SPON1: variants seen among roughly 807,000 people sequenced by gnomAD.
The protein encoded by SPON1 is spondin 1, also known as spondin-1.
A neutral mutation model predicts 111.7 loss-of-function variants in SPON1; 52 were observed. The observed-to-expected ratio is 0.47, with a 90% CI of 0.37 to 0.59. The LOEUF is 0.59. SPON1 is among the 20% of genes least tolerant of loss of function. The pLI is 0.00. For synonymous variants in SPON1, 410 were observed against 395.8 expected (o/e 1.04, Z -0.43); for missense variants, 957 against 1,068.5 (o/e 0.90, Z 1.46).
intron 5 of SPON1, among the ~76,000 whole-genome samples, chr11:14,105,160 T>C (rs1375306077): frequency 6.6e-6 from 1 of 152,148 alleles, no homozygotes; most frequent in African/African-American, 2.4e-5. Flanking sequence ...CTTTTCTTTT[T>C]CTAATCTTCA....
chr11:14,122,149 G>A (rs983111189), intron 5 of SPON1, among the ~76,000 whole-genome samples: 6 of 151,696 alleles, frequency 4.0e-5, no homozygotes, highest in African/African-American at 1.2e-4. Flanking sequence ...AGAATTTCAG[G>A]CATTGTCTCT....
At chr11:14,071,946 ATC>A (rs1490363228) in intron 3 of SPON1, among the ~76,000 whole-genome samples, 1 of 152,118 alleles carries the variant, frequency 6.6e-6, no homozygotes, top group Non-Finnish European at 1.5e-5. Context: ...TGATCCATCT[ATC>A]TCAGCCTCCC....
intron 2 of SPON1, among the ~76,000 whole-genome samples, chr11:14,020,428 G>T (rs1848472561): frequency 6.6e-6 from 1 of 152,214 alleles, no homozygotes; most frequent in African/African-American, 2.4e-5. Flanking sequence ...TGATGCCAAG[G>T]GTTAAGAAGA....
intron 5 of SPON1, among the ~76,000 whole-genome samples, chr11:14,092,568 A>T (rs1292553903): frequency 1.3e-5 from 2 of 152,162 alleles, no homozygotes; most frequent in Non-Finnish European, 2.9e-5. Context: ...GGTTTGTTCC[A>T]AGTGCTGTTT....
At chr11:14,027,063 G>C (rs149035392) in intron 2 of SPON1, among the ~76,000 whole-genome samples, 104 of 152,290 alleles carry the variant, frequency 6.8e-4, no homozygotes, top group African/African-American at 2.4e-3. Flanking sequence ...TGGGCTGAGT[G>C]GGGAGACTGA....
At chr11:14,110,171 A>G (rs1849216945) in intron 5 of SPON1, among the ~76,000 whole-genome samples, 7 of 152,186 alleles carry the variant, frequency 4.6e-5, no homozygotes. Context: ...CCAATCCAGG[A>G]GAGAATAAGA....
intron 2 of SPON1, among the ~76,000 whole-genome samples, chr11:14,023,517 T>A (rs1245941846): frequency 6.6e-6 from 1 of 152,218 alleles, no homozygotes; most frequent in Non-Finnish European, 1.5e-5. Flanking sequence ...AAGTGATGTT[T>A]TTCTCTGGAA....
At chr11:14,020,693 T>C (rs782005050) in intron 2 of SPON1, among the ~76,000 whole-genome samples, 3 of 152,168 alleles carry the variant, frequency 2.0e-5, no homozygotes, top group Non-Finnish European at 4.4e-5. Flanking sequence ...GCCCATCATA[T>C]AGGATTAATT....
intron 4 of SPON1, among the ~76,000 whole-genome samples, chr11:14,079,693 C>CA (rs150961927): frequency 0.01 from 1,528 of 150,762 alleles, 9 homozygotes; most frequent in East Asian, 0.024. Context: ...AAAAAGCTCT[C>CA]TTTTTTTTTT....
intron 6 of SPON1, among the ~76,000 whole-genome samples, chr11:14,157,618 G>C (rs1308763826): frequency 4.0e-5 from 6 of 151,888 alleles, no homozygotes; most frequent in Middle Eastern, 3.2e-3. Flanking sequence ...TTCAAACATT[G>C]GTTCTATCCC....
At chr11:14,177,263 A>G (rs782616765) in intron 6 of SPON1, among the ~76,000 whole-genome samples, 6 of 152,078 alleles carry the variant, frequency 3.9e-5, no homozygotes, top group Non-Finnish European at 7.4e-5. Flanking sequence ...GATGGTCTCG[A>G]TCTCCTGACC....
chr11:14,193,904 G>T (rs78285220), intron 6 of SPON1, among the ~76,000 whole-genome samples: 4,051 of 152,292 alleles, frequency 0.027, 77 homozygotes, highest in South Asian at 0.093. Context: ...ATGGCTTTCA[G>T]AGTATGCTGC....
At chr11:14,114,480 G>T (rs1342465188) in intron 5 of SPON1, among the ~76,000 whole-genome samples, 1 of 152,166 alleles carries the variant, frequency 6.6e-6, no homozygotes, top group Non-Finnish European at 1.5e-5. Flanking sequence ...GCCTGTTCCA[G>T]CTTAATCTCA....
intron 6 of SPON1, among the ~76,000 whole-genome samples, chr11:14,151,231 A>G (rs1483563359): frequency 6.6e-6 from 1 of 152,174 alleles, no homozygotes; most frequent in African/African-American, 2.4e-5. Flanking sequence ...TTAGCCTTTC[A>G]TTCTCCAAGC....
chr11:14,224,464 G>C (rs534018645), intron 6 of SPON1, among the ~76,000 whole-genome samples: 2 of 152,126 alleles, frequency 1.3e-5, no homozygotes, highest in Non-Finnish European at 2.9e-5. Context: ...TATGTGGTTC[G>C]GGAAACTGCA....
At chr11:14,125,765 C>T (rs141127223) in intron 5 of SPON1, among the ~76,000 whole-genome samples, 13 of 152,216 alleles carry the variant, frequency 8.5e-5, no homozygotes, top group African/African-American at 2.2e-4. Context: ...GGGTATGTGG[C>T]GGGGCAGGGC....
rs192754580 is a variant in SPON1, at chr11:14,028,556, T to C, written c.346-12965T>C. ...AGATATTCTGAGATTCACTGGCATT[T>C]ACATATAGCCAGTGAGAATCTTCCC... is the stretch of plus-strand genomic sequence containing the variant. On this transcript the variant is annotated intron_variant, in intron 2 of 15. Coordinates refer to ENST00000576479, the MANE Select transcript of SPON1 (RefSeq NM_006108.4). Among the ~76,000 whole-genome samples, 3 of 152,288 alleles carry C rather than the reference T, an allele frequency of 2.0e-5. No homozygotes were observed. In the East Asian group the frequency reaches 5.8e-4, roughly 29 times the overall value.
chr11:14,082,245 T>C (rs1356046573), intron 5 of SPON1, among the ~76,000 whole-genome samples: 1 of 152,208 alleles, frequency 6.6e-6, no homozygotes, highest in Admixed American at 6.5e-5. Context: ...TATACAGAGT[T>C]TCTGTGGAGT....
intron 6 of SPON1, among the ~76,000 whole-genome samples, chr11:14,200,127 T>C (rs1338566133): frequency 2.7e-5 from 4 of 150,818 alleles, no homozygotes; most frequent in African/African-American, 7.3e-5. Flanking sequence ...GCTCCATTTA[T>C]GTCCCTATTC....
Sources: allele counts gnomAD v4.1 joint callset (sites outside exome capture counted in the v4.1 genomes callset), GRCh38; gene constraint gnomAD v4.1.1; transcripts MANE v1.5; gene names NCBI Gene and HGNC (gene_info 2026-07-23, HGNC 2026-07-21).